Variants in SPRY3 observed in about 807,000 individuals in gnomAD.
SPRY3 encodes the protein sprouty RTK signaling antagonist 3.
Under a neutral mutation model 20.2 loss-of-function variants are expected in SPRY3, and 15 were observed. The observed-to-expected ratio is 0.74, with a 90% confidence interval of 0.50 to 1.14. The LOEUF (loss-of-function observed/expected upper bound fraction) is 1.14, where lower values mean the gene tolerates loss of function less well. Among genes scored for constraint, SPRY3 ranks in the 50% most tolerant of loss-of-function variants. The probability of loss-of-function intolerance (pLI) is 0.00; values close to 1 mark genes in which losing one functional copy is unlikely to be tolerated. For synonymous variants in SPRY3, 143 were observed against 136.5 expected, an observed-to-expected ratio of 1.05 and a Z score of -0.33; for missense variants, 364 against 363.9, an observed-to-expected ratio of 1.00 and a Z score of 0.00.
intron 3 of SPRY3, among the ~76,000 whole-genome samples, chrX:155,773,138 T>C (rs1438823757): frequency 2.0e-5 from 3 of 151,726 alleles, no homozygotes; most frequent in Non-Finnish European, 2.9e-5. Context: ...GCCTTTTTTT[T>C]TCCTACTACA....
intron 1 of SPRY3, among the ~76,000 whole-genome samples, chrX:155,643,345 G>C (rs781997441): frequency 9.0e-6 from 1 of 111,312 alleles, no homozygotes; most frequent in East Asian, 2.8e-4. Context: ...TTTTTAGTCT[G>C]TGTGTGTCTG....
intron 2 of SPRY3, among the ~76,000 whole-genome samples, chrX:155,710,334 T>C (rs2090977972): frequency 6.6e-6 from 1 of 151,862 alleles, no homozygotes; most frequent in Non-Finnish European, 1.5e-5. Context: ...ACTCTTCAAT[T>C]TCTTTCATCA....
intron 1 of SPRY3, among the ~76,000 whole-genome samples, chrX:155,616,743 C>T (rs782003999): frequency 2.7e-5 from 3 of 110,722 alleles, no homozygotes; most frequent in South Asian, 3.9e-4. Context: ...GCTAGGTGAG[C>T]GATGTCACAT....
At chrX:155,613,770 G>A (rs184303200) in intron 1 of SPRY3, among the ~76,000 whole-genome samples, 1 of 111,168 alleles carries the variant, frequency 9.0e-6, no homozygotes, top group East Asian at 2.8e-4. Context: ...CCTCTGTGAA[G>A]CCTTCCCTGT....
chrX:155,761,887 A>T (rs2091305689), intron 2 of SPRY3, among the ~76,000 whole-genome samples: 1 of 151,936 alleles, frequency 6.6e-6, no homozygotes. Flanking sequence ...TCCACATGGT[A>T]ACACAGTCCT....
intron 2 of SPRY3, among the ~76,000 whole-genome samples, chrX:155,715,602 GC>G (rs1281991012): frequency 2.0e-5 from 3 of 152,076 alleles, no homozygotes; most frequent in African/African-American, 7.2e-5. Context: ...TAGATTGTGT[GC>G]CCCCTAAGTC....
At chrX:155,679,536 C>T (rs1021582023) in intron 2 of SPRY3, among the ~76,000 whole-genome samples, 17 of 111,585 alleles carry the variant, frequency 1.5e-4, no homozygotes, top group African/African-American at 4.2e-4. Flanking sequence ...GCTCTGCCCT[C>T]ATGACTTAAT....
At chrX:155,623,313 T>C (rs1180055537) in intron 1 of SPRY3, among the ~76,000 whole-genome samples, 8 of 112,016 alleles carry the variant, frequency 7.1e-5, no homozygotes, top group African/African-American at 1.9e-4. Flanking sequence ...ATCATTTTCC[T>C]GAATTACAGT....
chrX:155,716,078 G>T (rs906344946), intron 2 of SPRY3, among the ~76,000 whole-genome samples: 3 of 152,136 alleles, frequency 2.0e-5, no homozygotes, highest in Non-Finnish European at 4.4e-5. Context: ...TTTTCTGTGT[G>T]AAGATAATTG....
chrX:155,670,555 C>T (rs1258790244), intron 2 of SPRY3, among the ~76,000 whole-genome samples: 1 of 112,121 alleles, frequency 8.9e-6, no homozygotes, highest in African/African-American at 3.2e-5. Flanking sequence ...AGTACTGTAA[C>T]ATCTTAGCTT....
Position 155,716,596 on chromosome X carries a change from T to TTTTTG in SPRY3, c.-281-51361_-281-51357dup, listed in dbSNP as rs200902365. 5.3e-3 allele frequency among the ~76,000 whole-genome samples: 807 copies of TTTTTG among 152,202 alleles called. 6 individuals carry two copies. Among genetic ancestry groups the TTTTTG allele is most frequent in the African/African-American group, 0.018 (765 of 41,522 alleles). ...CTCAATGTTATGTTTTCTTTTTACT[T>TTTTTG]TTTTGTTTTTCTTTTTGTATTTTAA... On this transcript the variant is annotated intron_variant, in intron 2 of 3. Coordinates refer to ENST00000675360, the Ensembl canonical transcript of SPRY3.
At chrX:155,782,038 TG>T (rs2091466026) in exon 2 of SPRY3, 1 of 167,016 alleles carries the variant, frequency 6.0e-6, no homozygotes, top group Admixed American at 6.6e-5. Context: ...GCCTTAGTAC[TG>T]AACTAGCCCA....
intron 2 of SPRY3, among the ~76,000 whole-genome samples, chrX:155,751,182 A>G (rs1287978230): frequency 4.6e-5 from 7 of 151,818 alleles, no homozygotes; most frequent in Non-Finnish European, 8.8e-5. Context: ...GCTGAAATTG[A>G]GATTGTGTAA....
At chrX:155,730,815 T>C (rs306910) in intron 2 of SPRY3, among the ~76,000 whole-genome samples, 32,078 of 152,034 alleles carry the variant, frequency 0.21, 5,645 homozygotes, top group African/African-American at 0.51. Flanking sequence ...TTCAGTAACA[T>C]TGCAGGATAC....
At chrX:155,655,922 G>A (rs894123876) in intron 1 of SPRY3, among the ~76,000 whole-genome samples, 1 of 112,084 alleles carries the variant, frequency 8.9e-6, no homozygotes, top group African/African-American at 3.2e-5. Context: ...TAAGAATGTT[G>A]AATATTGGCC....
chrX:155,757,902 T>G (rs2091289456), intron 2 of SPRY3, among the ~76,000 whole-genome samples: 1 of 152,160 alleles, frequency 6.6e-6, no homozygotes, highest in Admixed American at 6.5e-5. Context: ...ATATATTTCC[T>G]CCACATCTCA....
chrX:155,769,664 A>C (rs1187674516), intron 3 of SPRY3, among the ~76,000 whole-genome samples: 1 of 152,200 alleles, frequency 6.6e-6, no homozygotes, highest in Non-Finnish European at 1.5e-5. Context: ...TAAAAGACCT[A>C]TATCTTTTAA....
intron 2 of SPRY3, among the ~76,000 whole-genome samples, chrX:155,742,554 C>T (rs1241015013): frequency 6.6e-6 from 1 of 152,144 alleles, no homozygotes; most frequent in Non-Finnish European, 1.5e-5. Context: ...CTTTCAATGC[C>T]ACATGGCACT....
intron 1 of SPRY3, among the ~76,000 whole-genome samples, chrX:155,623,072 T>A (rs1008040623): frequency 8.9e-6 from 1 of 112,160 alleles, no homozygotes; most frequent in South Asian, 3.7e-4. Context: ...TGGGGCTGAC[T>A]TCTGATGTGC....
Sources: allele counts gnomAD v4.1 joint callset (sites outside exome capture counted in the v4.1 genomes callset), GRCh38; gene constraint gnomAD v4.1.1; transcripts MANE v1.5; gene names NCBI Gene and HGNC (gene_info 2026-07-23, HGNC 2026-07-21).